GSE1: variants seen among roughly 807,000 people sequenced by gnomAD.
The protein encoded by GSE1 is genetic suppressor element 1.
A neutral mutation model predicts 112.6 loss-of-function variants in GSE1; 32 were observed. The observed-to-expected ratio is 0.28, with a 90% CI of 0.21 to 0.38. GSE1 has a LOEUF of 0.38. Among genes scored for constraint, GSE1 ranks in the 10% least tolerant of loss-of-function variants. The pLI is 1.00. For synonymous variants in GSE1, 1,115 were observed against 735.6 expected (o/e 1.52, Z -8.35); for missense variants, 2,348 against 1,699.2 (o/e 1.38, Z -6.71).
chr16:85,572,954 C>T (rs1232835199), intron 1 of GSE1, among the ~76,000 whole-genome samples: 1 of 152,208 alleles, frequency 6.6e-6, no homozygotes, highest in Non-Finnish European at 1.5e-5. Flanking sequence ...GCTGCAACCT[C>T]CGCCTCCTGG....
rs2051096610 is a variant in GSE1, at chr16:85,648,817, G to A, written c.426+66G>A. 4 of 924,674 alleles carry A rather than the reference G, an allele frequency of 4.3e-6. No homozygotes were observed. In the African/African-American group the frequency reaches 5.1e-5, roughly 12 times the overall value. 57.3% of individuals were successfully genotyped at this position (924,674 alleles called of 1,614,324 possible). On this transcript the variant is annotated intron_variant, in intron 3 of 15. Transcript: ENST00000253458. ...GGGAGGCTGGATTCAGGCATCCATT[G>A]GGGGCTCTGGAGCTTTCGAGGTTGA... is the stretch of plus-strand genomic sequence containing the variant.
At chr16:85,280,809 C>G (rs1026314234) in intron 1 of GSE1, among the ~76,000 whole-genome samples, 5 of 152,202 alleles carry the variant, frequency 3.3e-5, no homozygotes, top group African/African-American at 1.2e-4. Context: ...TTTTCAAACC[C>G]TCTGAGGACT....
intron 2 of GSE1, among the ~76,000 whole-genome samples, chr16:85,523,233 G>A: frequency 6.8e-6 from 1 of 146,950 alleles, no homozygotes; most frequent in South Asian, 2.1e-4. Flanking sequence ...TCCCCTGTGT[G>A]TTGTGTGCGT....
At chr16:85,643,298 C>T (rs147254230) in intron 2 of GSE1, among the ~76,000 whole-genome samples, 188 of 152,228 alleles carry the variant, frequency 1.2e-3, no homozygotes, top group African/African-American at 4.3e-3. Context: ...GCTCCAGCCA[C>T]GCGGTGAGAA....
At chr16:85,646,394 T>C (rs1167760703) in intron 2 of GSE1, among the ~76,000 whole-genome samples, 1 of 152,256 alleles carries the variant, frequency 6.6e-6, no homozygotes, top group East Asian at 1.9e-4. Context: ...CTTGCACAGC[T>C]GCTGTGACAC....
chr16:85,425,179 C>G (rs968255686), intron 2 of GSE1, among the ~76,000 whole-genome samples: 1 of 152,252 alleles, frequency 6.6e-6, no homozygotes, highest in Non-Finnish European at 1.5e-5. Flanking sequence ...GCTGCCTGTT[C>G]TGTACCATCT....
At chr16:85,208,386 C>T (rs1011944808) in intron 1 of GSE1, among the ~76,000 whole-genome samples, 3 of 152,194 alleles carry the variant, frequency 2.0e-5, no homozygotes, top group African/African-American at 7.2e-5. Context: ...CTCAGTACTC[C>T]CTCCTGGTGC....
At chr16:85,615,091 C>G (rs556092750) in intron 1 of GSE1, among the ~76,000 whole-genome samples, 2 of 152,326 alleles carry the variant, frequency 1.3e-5, no homozygotes, top group African/African-American at 2.4e-5. Flanking sequence ...CCCTGGCCTC[C>G]CTCGGTGTTG....
intron 8 of GSE1, among the ~76,000 whole-genome samples, chr16:85,658,441 T>C (rs1166763413): frequency 6.6e-6 from 1 of 152,222 alleles, no homozygotes; most frequent in African/African-American, 2.4e-5. Context: ...TGAGCATCTT[T>C]CCAGCTCTCA....
At chr16:85,524,309 A>C (rs1233661218) in intron 2 of GSE1, among the ~76,000 whole-genome samples, 1 of 151,942 alleles carries the variant, frequency 6.6e-6, no homozygotes, top group Non-Finnish European at 1.5e-5. Context: ...ATGCCATCCC[A>C]GTCCTGCTGC....
At chr16:85,475,813 C>T (rs1390555042) in intron 2 of GSE1, among the ~76,000 whole-genome samples, 21 of 148,492 alleles carry the variant, frequency 1.4e-4, no homozygotes, top group African/African-American at 4.5e-4. Context: ...TACTAGAGAC[C>T]GGGTTTCACT....
intron 1 of GSE1, among the ~76,000 whole-genome samples, chr16:85,614,120 C>T (rs961294480): frequency 3.2e-4 from 48 of 150,768 alleles, no homozygotes; most frequent in Admixed American, 3.0e-3. Flanking sequence ...CTGCCCCAGC[C>T]TCGGAGGTGG....
chr16:85,507,168 T>G (rs1016449791), intron 2 of GSE1, among the ~76,000 whole-genome samples: 1 of 152,238 alleles, frequency 6.6e-6, no homozygotes, highest in African/African-American at 2.4e-5. Flanking sequence ...CGTTTTAATT[T>G]GCCAGTCTGT....
At chr16:85,588,584 G>A (rs1488195924) in intron 1 of GSE1, among the ~76,000 whole-genome samples, 1 of 152,218 alleles carries the variant, frequency 6.6e-6, no homozygotes, top group African/African-American at 2.4e-5. Flanking sequence ...CAAAACCGGG[G>A]GCTTCTTTAT....
intron 2 of GSE1, among the ~76,000 whole-genome samples, chr16:85,466,706 AGAGAGAGG>A (rs112068904): frequency 0.079 from 7,912 of 100,584 alleles, 266 homozygotes; most frequent in East Asian, 0.25. Flanking sequence ...ATATATAGAG[AGAGAGAGG>A]GAGAGAGGGA....
chr16:85,320,364 CAG>C (rs2046077487), intron 1 of GSE1, among the ~76,000 whole-genome samples: 1 of 152,248 alleles, frequency 6.6e-6, no homozygotes, highest in Non-Finnish European at 1.5e-5. Context: ...GTGTGTGGAG[CAG>C]ACGCCCAGTT....
intron 1 of GSE1, among the ~76,000 whole-genome samples, chr16:85,198,233 G>A (rs1418278216): frequency 6.6e-6 from 1 of 152,204 alleles, no homozygotes; most frequent in African/African-American, 2.4e-5. Flanking sequence ...CAACCATGGG[G>A]ACCAGGGCTC....
intron 1 of GSE1, among the ~76,000 whole-genome samples, chr16:85,263,046 G>A (rs951796994): frequency 6.6e-6 from 1 of 152,230 alleles, no homozygotes; most frequent in Admixed American, 6.5e-5. Flanking sequence ...CAGATCGCGG[G>A]AGGGCGGGGG....
intron 3 of GSE1, among the ~76,000 whole-genome samples, chr16:85,652,122 T>C (rs373413876): frequency 2.6e-5 from 4 of 152,320 alleles, no homozygotes; most frequent in African/African-American, 4.8e-5. Context: ...GTCCCCCACA[T>C]GCCCGTGCAC....
Sources: allele counts gnomAD v4.1 joint callset (sites outside exome capture counted in the v4.1 genomes callset), GRCh38; gene constraint gnomAD v4.1.1; transcripts MANE v1.5; gene names NCBI Gene and HGNC (gene_info 2026-07-23, HGNC 2026-07-21).